The following STK24 variants were observed in gnomAD, a reference collection of about 807,000 sequenced individuals.
STK24 encodes serine/threonine kinase 24.
STK24 carries 21 observed loss-of-function variants against 55.6 expected under a neutral mutation model. The ratio of observed to expected loss-of-function variants is 0.38; its 90% CI spans 0.27 to 0.54. The LOEUF (loss-of-function observed/expected upper bound fraction) is 0.54. STK24 is among the 20% of genes least tolerant of loss of function. The probability of loss-of-function intolerance (pLI) is 0.79; values close to 1 mark genes in which losing one functional copy is unlikely to be tolerated. For missense variants in STK24, 383 were observed against 538.4 expected (o/e 0.71, Z 2.86); for synonymous variants, 200 against 215.2 (o/e 0.93, Z 0.62).
chr13:98,489,014 A>G (rs998639341), intron 2 of STK24, among the ~76,000 whole-genome samples: 2 of 152,200 alleles, frequency 1.3e-5, no homozygotes, highest in Admixed American at 6.5e-5. Flanking sequence ...GACTTCCTTA[A>G]GAGCGTGAGT....
chr13:98,517,482 C>T lies in STK24; in HGVS notation c.273+1761G>A, dbSNP rs140712647. On this transcript the variant is annotated intron_variant, in intron 2 of 10. Transcript: ENST00000539966. The stretch of plus-strand genomic sequence containing the variant: ...CTCTACTAAAAATACAAAAATTAGC[C>T]GGGCACGGTGGTTGGTGAGCGACTG... Among the ~76,000 whole-genome samples, 912 of 152,100 alleles carry T rather than the reference C, an allele frequency of 6.0e-3. 7 individuals are homozygous for T. Among genetic ancestry groups the T allele is most frequent in the African/African-American group, 0.02 (849 of 41,476 alleles).
At position 98,453,009 on chromosome 13, in the gene STK24, A is replaced by G; in HGVS notation, c.*164T>C. 1 of 641,018 alleles carries G rather than the reference A, an allele frequency of 1.6e-6. No homozygotes were observed. Among genetic ancestry groups the G allele is most frequent in the East Asian group, 2.8e-5 (1 of 35,206 alleles). 39.7% of individuals were successfully genotyped at this position (641,018 alleles called of 1,614,324 possible). Reference sequence around the variant, plus strand: ...CTGAGAGACTTCATCTGGCTGCAGCACAGTGAAGACTGTGTGTGTCCCTGG... The same window carrying G: ...CTGAGAGACTTCATCTGGCTGCAGCGCAGTGAAGACTGTGTGTGTCCCTGG... On this transcript the variant is annotated 3_prime_UTR_variant, in exon 11 of 11. Transcript: ENST00000539966.
At chr13:98,532,712 A>G (rs992199976) in intron 1 of STK24, among the ~76,000 whole-genome samples, 1 of 152,272 alleles carries the variant, frequency 6.6e-6, no homozygotes, top group Non-Finnish European at 1.5e-5. Context: ...TCTTTCGAAG[A>G]AAAGTGTTAT....
intron 1 of STK24, among the ~76,000 whole-genome samples, chr13:98,533,457 TA>T (rs912775117): frequency 1.6e-4 from 24 of 151,872 alleles, no homozygotes; most frequent in African/African-American, 5.8e-4. Context: ...CTACTATCTA[TA>T]AAAAAATACT....
rs905363809 is a variant in STK24 at position 98,445,857 on chromosome 13, G to A, written c.*7316C>T. The A allele has an allele frequency of 6.9e-5, 32 of 464,830 alleles. 1 individual carries two copies. Among genetic ancestry groups the A allele is most frequent in the Middle Eastern group, 5.8e-4 (1 of 1,730 alleles). The allele number at this position is 464,830 out of a possible 1,614,324, so 28.8% of individuals were successfully genotyped here. A position where few individuals can be genotyped will look rare whatever the true frequency, so the allele number is the denominator to read the frequency against. ...AGGTACTGGTAGTCAGGACCTCAAC[G>A]TGTCTTTTGGGGGGACACAGGGACC... On this transcript the variant is annotated 3_prime_UTR_variant, in exon 11 of 11. Transcript: ENST00000539966.
In STK24 at chr13:98,453,379, CTG is replaced by C. The variant is rs958710362; in HGVS notation, c.1260-172_1260-171del. The C allele has an allele frequency of 6.2e-6, 4 of 648,116 alleles. No individual in the cohort carries two copies. The African/African-American group carries it at 7.4e-5, about 12-fold the overall frequency. The allele number at this position is 648,116 out of a possible 1,614,324, so 40.1% of individuals were successfully genotyped here. On this transcript the variant is annotated intron_variant, in intron 10 of 10. Coordinates refer to ENST00000539966, the MANE Select transcript of STK24 (RefSeq NM_001032296.4). ...AATTTTAAAAGAATGCATATAAAGA[CTG>C]AGAAGATCATGATTCTTACACAAAA...
chr13:98,468,566 T>G (rs553593145), intron 5 of STK24, among the ~76,000 whole-genome samples: 1 of 152,206 alleles, frequency 6.6e-6, no homozygotes, highest in South Asian at 2.1e-4. Context: ...GTGACTCTTG[T>G]GTGGCAGCGG....
Position 98,447,413 on chromosome 13 carries a change from G to A in STK24, c.*5760C>T, listed in dbSNP as rs929968743. ...TGATCCTGGACTGAGCTCGAGAGCT[G>A]GGTTGAGAGCTGGGTTGATCAAAGT... On this transcript the variant is annotated 3_prime_UTR_variant, in exon 11 of 11. Transcript: ENST00000539966. 1.3e-5 allele frequency: 2 copies of A among 152,538 alleles called. No individual in the cohort carries two copies. Among genetic ancestry groups the A allele is most frequent in the African/African-American group, 4.8e-5 (2 of 41,442 alleles). The allele number at this position is 152,538 out of a possible 1,614,324, so 9.4% of individuals were successfully genotyped here.
intron 2 of STK24, among the ~76,000 whole-genome samples, chr13:98,492,169 C>T (rs913417848): frequency 1.2e-4 from 18 of 151,644 alleles, no homozygotes; most frequent in East Asian, 5.8e-4. Flanking sequence ...AATTCCAAAA[C>T]GTGAAGGAAC....
At chr13:98,504,768 G>A (rs11619775) in intron 2 of STK24, among the ~76,000 whole-genome samples, 3,544 of 152,254 alleles carry the variant, frequency 0.023, 61 homozygotes, top group South Asian at 0.052. Flanking sequence ...TTTCACCTGA[G>A]GTCGCTGATC....
intron 1 of STK24, among the ~76,000 whole-genome samples, chr13:98,524,708 T>C (rs1303321454): frequency 6.6e-6 from 1 of 152,234 alleles, no homozygotes; most frequent in African/African-American, 2.4e-5. Flanking sequence ...CAGAAACCAC[T>C]GCGGGAGAAA....
In STK24 at chr13:98,527,845, A is replaced by C. The variant is rs570986808; in HGVS notation, c.43-8372T>G. On this transcript the variant is annotated intron_variant, in intron 1 of 10. Transcript: ENST00000539966. Reference sequence around the variant, plus strand: ...CCGTCGAAAATCCCAAAACAAGGGGAGGGACAGTCATCACCTGCTTTATTG... The same window carrying C: ...CCGTCGAAAATCCCAAAACAAGGGGCGGGACAGTCATCACCTGCTTTATTG... Among the ~76,000 whole-genome samples the C allele has an allele frequency of 3.3e-5, 5 of 152,326 alleles. No individual in the cohort carries two copies. In the South Asian group the frequency reaches 1.0e-3, roughly 32 times the overall value.
At chr13:98,555,206 C>G (rs1423587565) in intron 1 of STK24, among the ~76,000 whole-genome samples, 1 of 152,138 alleles carries the variant, frequency 6.6e-6, no homozygotes, top group Admixed American at 6.5e-5. Context: ...CATGCCATCC[C>G]TTTTCCCCTC....
At position 98,446,145 on chromosome 13, in the gene STK24, G is replaced by T. The variant is rs1892821121; in HGVS notation, c.*7028C>A. The T allele has an allele frequency of 6.2e-7, 1 of 1,614,114 alleles. No individual in the cohort carries two copies. The highest frequency in any genetic ancestry group is 1.7e-4 in the Middle Eastern group (1 of 6,060). ...TGAGGAAATTCAAAAACAGCAACGG[G>T]TGGCAGAAGCTGTGGGTGGTGTTCA... is the stretch of plus-strand genomic sequence containing the variant. On this transcript the variant is annotated 3_prime_UTR_variant, in exon 11 of 11. Coordinates refer to ENST00000539966, the MANE Select transcript of STK24 (RefSeq NM_001032296.4).
intron 10 of STK24, chr13:98,453,671 C>A: frequency 6.5e-6 from 1 of 154,264 alleles, no homozygotes; most frequent in Non-Finnish European, 1.4e-5. Context: ...AAAGCAGGAA[C>A]AACGTGTCTG....
chr13:98,488,994 C>T (rs1161432913), intron 2 of STK24, among the ~76,000 whole-genome samples: 3 of 152,232 alleles, frequency 2.0e-5, no homozygotes, highest in African/African-American at 7.2e-5. Flanking sequence ...TAAAATCACA[C>T]GGGGTCACAG....
At chr13:98,513,714 G>A (rs1245991702) in intron 2 of STK24, among the ~76,000 whole-genome samples, 1 of 152,122 alleles carries the variant, frequency 6.6e-6, no homozygotes. Flanking sequence ...CTCTCCATAT[G>A]TACTAAAATA....
chr13:98,517,837 T>C (rs138132929), intron 2 of STK24, among the ~76,000 whole-genome samples: 231 of 152,282 alleles, frequency 1.5e-3, no homozygotes, highest in African/African-American at 4.6e-3. Context: ...ACTACCTTCA[T>C]TGCATATTCA....
Position 98,461,975 on chromosome 13 carries a change from C to T in STK24, c.930-78G>A, listed in dbSNP as rs913581153. ...GGCGCTGGGACGTTCAGGGGGAGGCCGCCTGGGGACCTCTAAACCCACACC... is the reference window on the plus strand; with the variant it reads ...GGCGCTGGGACGTTCAGGGGGAGGCTGCCTGGGGACCTCTAAACCCACACC... On this transcript the variant is annotated intron_variant, in intron 7 of 10. Coordinates refer to ENST00000539966, the MANE Select transcript of STK24 (RefSeq NM_001032296.4). 2.5e-5 allele frequency: 40 copies of T among 1,572,274 alleles called. 1 individual carries two copies. Among genetic ancestry groups the T allele is most frequent in the South Asian group, 2.5e-4 (22 of 87,776 alleles).
Sources: allele counts gnomAD v4.1 joint callset (sites outside exome capture counted in the v4.1 genomes callset), GRCh38; gene constraint gnomAD v4.1.1; transcripts MANE v1.5; gene names NCBI Gene and HGNC (gene_info 2026-07-23, HGNC 2026-07-21).